The following WDFY3 variants were observed in gnomAD, a reference collection of about 807,000 sequenced individuals.
The protein encoded by WDFY3 is WD repeat and FYVE domain-containing protein 3.
A neutral mutation model predicts 409.6 loss-of-function variants in WDFY3; 66 were observed. That is an observed-to-expected ratio of 0.16 (90% CI 0.13 to 0.20). The LOEUF (loss-of-function observed/expected upper bound fraction) is 0.20. Ranked by LOEUF, WDFY3 falls within the 10% of genes least tolerant of loss-of-function variation. The pLI is 1.00. For synonymous variants in WDFY3, 1,521 were observed against 1,537.1 expected (o/e 0.99, Z 0.25); for missense variants, 3,031 against 4,298.1 (o/e 0.71, Z 8.24).
At chr4:84,873,585 T>C (rs974309660) in intron 3 of WDFY3, among the ~76,000 whole-genome samples, 2 of 151,266 alleles carry the variant, frequency 1.3e-5, no homozygotes, top group African/African-American at 4.9e-5. Flanking sequence ...CTTAGGAAAC[T>C]AGAAAAAGAA....
At chr4:84,921,395 G>C (rs189774234) in intron 2 of WDFY3, among the ~76,000 whole-genome samples, 1 of 151,966 alleles carries the variant, frequency 6.6e-6, no homozygotes, top group Non-Finnish European at 1.5e-5. Context: ...AAAAAGGTAA[G>C]GGAAAAGAAG....
At chr4:84,873,236 A>C (rs1762360265) in intron 3 of WDFY3, among the ~76,000 whole-genome samples, 1 of 152,218 alleles carries the variant, frequency 6.6e-6, no homozygotes, top group Non-Finnish European at 1.5e-5. Context: ...CATTCTTCTC[A>C]AATTCACGTG....
At chr4:84,789,381 T>A (rs1748089222) in intron 22 of WDFY3, among the ~76,000 whole-genome samples, 1 of 152,166 alleles carries the variant, frequency 6.6e-6, no homozygotes, top group Admixed American at 6.5e-5. Context: ...ACAACAATAA[T>A]GAAGTGGCAA....
At chr4:84,795,774 A>G (rs116237743) in intron 19 of WDFY3, among the ~76,000 whole-genome samples, 5,969 of 152,168 alleles carry the variant, frequency 0.039, 364 homozygotes, top group African/African-American at 0.14. Context: ...AAGGAAAAAA[A>G]AAAAACAAAA....
At chr4:84,789,033 C>A (rs535603894) in intron 22 of WDFY3, among the ~76,000 whole-genome samples, 1 of 151,858 alleles carries the variant, frequency 6.6e-6, no homozygotes, top group African/African-American at 2.4e-5. Context: ...AAAGGAAAAA[C>A]AATAAAAATA....
chr4:84,758,314 G>A (rs1157875165), intron 32 of WDFY3, among the ~76,000 whole-genome samples: 2 of 152,072 alleles, frequency 1.3e-5, no homozygotes, highest in African/African-American at 2.4e-5. Flanking sequence ...TGGCATGATC[G>A]TAGCTCACTT....
At chr4:84,863,593 T>G (rs1196601563) in intron 3 of WDFY3, among the ~76,000 whole-genome samples, 1 of 152,222 alleles carries the variant, frequency 6.6e-6, no homozygotes, top group Non-Finnish European at 1.5e-5. Context: ...ATGAGTTGCA[T>G]GAGTCCCTTA....
At chr4:84,766,396 A>C in intron 30 of WDFY3, 24 bp from the exon 31 acceptor site, 1 of 1,571,226 alleles carries the variant, frequency 6.4e-7, no homozygotes, top group East Asian at 2.3e-5. Flanking sequence ...AAATACATTA[A>C]ATCTCCCTAG....
chr4:84,709,964 C>T (rs896183718), intron 51 of WDFY3, among the ~76,000 whole-genome samples: 16 of 152,174 alleles, frequency 1.1e-4, no homozygotes, highest in Non-Finnish European at 2.2e-4. Context: ...TCAGGTGATC[C>T]TCCCACCTCG....
chr4:84,849,887 C>T lies in WDFY3; in HGVS notation c.304+15G>A. 6.2e-7 allele frequency: 1 copy of T among 1,606,916 alleles called. No homozygotes were observed. On this transcript the variant is annotated intron_variant, in intron 5 of 67. Coordinates refer to ENST00000295888, the MANE Select transcript of WDFY3 (RefSeq NM_014991.6). The stretch of plus-strand genomic sequence containing the variant: ...ATTCAAACAAATCAGTTTTTGCTGG[C>T]TACTGTAAAAATACCTGTGGATTTG...
At chr4:84,842,132 G>C (rs1439962027) in intron 5 of WDFY3, among the ~76,000 whole-genome samples, 1 of 152,124 alleles carries the variant, frequency 6.6e-6, no homozygotes, top group East Asian at 1.9e-4. Context: ...CATCAGCATG[G>C]CTTGCCAATT....
chr4:84,943,505 GA>G (rs916389900), intron 1 of WDFY3, among the ~76,000 whole-genome samples: 47 of 146,400 alleles, frequency 3.2e-4, no homozygotes, highest in Middle Eastern at 3.5e-3. Flanking sequence ...CTCCGTCTCA[GA>G]AAAAAAAAAG....
intron 60 of WDFY3, 46 bp downstream of exon 60, chr4:84,691,585 C>T: frequency 1.3e-6 from 2 of 1,597,682 alleles, no homozygotes; most frequent in South Asian, 2.2e-5. Context: ...GATAGCCAGA[C>T]CACAAAAGAG....
intron 3 of WDFY3, among the ~76,000 whole-genome samples, chr4:84,887,916 T>C (rs1163339292): frequency 1.3e-5 from 2 of 152,104 alleles, no homozygotes; most frequent in African/African-American, 2.4e-5. Context: ...AGTATTTTTG[T>C]CCCCAAGAAT....
At chr4:84,762,028 G>C (rs565951728) in intron 32 of WDFY3, among the ~76,000 whole-genome samples, 170 of 152,250 alleles carry the variant, frequency 1.1e-3, no homozygotes, top group African/African-American at 4.0e-3. Flanking sequence ...CTGTAAACTA[G>C]TTCAACCATT....
chr4:84,790,529 T>G (rs1748332917), intron 21 of WDFY3, among the ~76,000 whole-genome samples: 1 of 151,484 alleles, frequency 6.6e-6, no homozygotes, highest in Non-Finnish European at 1.5e-5. Flanking sequence ...AAGTAAAAAA[T>G]ACATAAAAAT....
intron 5 of WDFY3, among the ~76,000 whole-genome samples, chr4:84,848,999 C>T (rs377340853): frequency 1.3e-5 from 2 of 152,180 alleles, no homozygotes; most frequent in East Asian, 1.9e-4. Context: ...CCATTTTTCA[C>T]AGCAATAGTC....
At chr4:84,774,679 G>T in intron 29 of WDFY3, 141 bp downstream of exon 29, 1 of 884,098 alleles carries the variant, frequency 1.1e-6, no homozygotes, top group Non-Finnish European at 1.7e-6. Flanking sequence ...TGTTTTCCAT[G>T]CGTCATAAAT....
At chr4:84,833,359 G>A (rs1756041084) in intron 7 of WDFY3, among the ~76,000 whole-genome samples, 1 of 152,124 alleles carries the variant, frequency 6.6e-6, no homozygotes, top group African/African-American at 2.4e-5. Flanking sequence ...AGCGCTTCAT[G>A]AAATTTTGGT....
Sources: allele counts gnomAD v4.1 joint callset (sites outside exome capture counted in the v4.1 genomes callset), GRCh38; gene constraint gnomAD v4.1.1; transcripts MANE v1.5; gene names NCBI Gene and HGNC (gene_info 2026-07-23, HGNC 2026-07-21).